The following GSE1 variants were observed in gnomAD, a reference collection of about 807,000 sequenced individuals.
The protein encoded by GSE1 is genetic suppressor element 1.
In GSE1, 32 loss-of-function variants were observed where a neutral mutation model predicts 112.6. The ratio of observed to expected loss-of-function variants is 0.28; its 90% CI spans 0.21 to 0.38. GSE1 has a LOEUF of 0.38. Among genes scored for constraint, GSE1 ranks in the 10% least tolerant of loss-of-function variants. The probability of loss-of-function intolerance (pLI) is 1.00; values close to 1 mark genes in which losing one functional copy is unlikely to be tolerated. For missense variants in GSE1, 2,348 were observed against 1,699.2 expected, an observed-to-expected ratio of 1.38 and a Z score of -6.71; for synonymous variants, 1,115 against 735.6, an observed-to-expected ratio of 1.52 and a Z score of -8.35.
chr16:85,369,410 C>G (rs1297261404), intron 2 of GSE1, among the ~76,000 whole-genome samples: 2 of 152,052 alleles, frequency 1.3e-5, no homozygotes, highest in Non-Finnish European at 2.9e-5. Flanking sequence ...GAGATGGGGT[C>G]TCACTCTGTT....
At chr16:85,525,759 C>A (rs1187951593) in intron 2 of GSE1, among the ~76,000 whole-genome samples, 3 of 152,186 alleles carry the variant, frequency 2.0e-5, no homozygotes, top group African/African-American at 4.8e-5. Context: ...GCTGTGTGAC[C>A]CCAGACAAGC....
chr16:85,353,027 G>C (rs1193604147), intron 1 of GSE1, among the ~76,000 whole-genome samples: 1 of 152,218 alleles, frequency 6.6e-6, no homozygotes, highest in Non-Finnish European at 1.5e-5. Context: ...AACAAAGTAT[G>C]ACATGTTTAG....
intron 1 of GSE1, among the ~76,000 whole-genome samples, chr16:85,616,876 T>C (rs1388924458): frequency 6.6e-6 from 1 of 152,208 alleles, no homozygotes; most frequent in East Asian, 1.9e-4. Flanking sequence ...TCCAGCCGTG[T>C]GCTTGCTGCT....
chr16:85,650,748 G>A (rs1413179605), intron 3 of GSE1, among the ~76,000 whole-genome samples: 2 of 152,122 alleles, frequency 1.3e-5, no homozygotes, highest in Non-Finnish European at 2.9e-5. Context: ...GAGGCTCAGC[G>A]GGGCATTTAA....
intron 1 of GSE1, among the ~76,000 whole-genome samples, chr16:85,353,841 C>T (rs1448777429): frequency 1.3e-5 from 2 of 152,204 alleles, no homozygotes; most frequent in Admixed American, 1.3e-4. Context: ...CCTCCTGGCC[C>T]CTGCGGGGAT....
chr16:85,212,035 T>C (rs956389955), intron 1 of GSE1, among the ~76,000 whole-genome samples: 2 of 152,184 alleles, frequency 1.3e-5, no homozygotes, highest in African/African-American at 4.8e-5. Flanking sequence ...CCCTCAACTT[T>C]GTGTGTTGCA....
At chr16:85,614,174 T>A (rs1452751270) in intron 1 of GSE1, among the ~76,000 whole-genome samples, 1 of 151,400 alleles carries the variant, frequency 6.6e-6, no homozygotes, top group Non-Finnish European at 1.5e-5. Context: ...CACTGGCCTT[T>A]TTCCCTCCCC....
intron 1 of GSE1, among the ~76,000 whole-genome samples, chr16:85,584,463 A>G (rs2046595949): frequency 6.6e-6 from 1 of 152,236 alleles, no homozygotes. Flanking sequence ...CTCTCCGGGT[A>G]CTGATCCATC....
chr16:85,389,974 G>T (rs770141815), intron 2 of GSE1, among the ~76,000 whole-genome samples: 1 of 152,208 alleles, frequency 6.6e-6, no homozygotes, highest in Non-Finnish European at 1.5e-5. Context: ...GGAAAGTGAG[G>T]CATGACTGAA....
chr16:85,431,501 A>G (rs1033512475), intron 2 of GSE1, among the ~76,000 whole-genome samples: 2 of 152,218 alleles, frequency 1.3e-5, no homozygotes, highest in African/African-American at 2.4e-5. Flanking sequence ...ACACTTGCAG[A>G]GCGCGTCTCT....
intron 2 of GSE1, among the ~76,000 whole-genome samples, chr16:85,487,167 C>G (rs967389409): frequency 3.9e-5 from 6 of 152,152 alleles, no homozygotes; most frequent in Non-Finnish European, 7.4e-5. Flanking sequence ...AAGAGATTGT[C>G]CTGCTCGAGG....
chr16:85,614,152 G>A (rs865947952), intron 1 of GSE1, among the ~76,000 whole-genome samples: 1 of 130,500 alleles, frequency 7.7e-6, no homozygotes, highest in African/African-American at 2.9e-5. Flanking sequence ...CACATCCGCC[G>A]CCCCCCACCC....
At chr16:85,651,366 G>A (rs1358969322) in intron 3 of GSE1, among the ~76,000 whole-genome samples, 1 of 152,028 alleles carries the variant, frequency 6.6e-6, no homozygotes, top group Non-Finnish European at 1.5e-5. Context: ...CAGACATGTG[G>A]GTCTGGCTCG....
intron 1 of GSE1, among the ~76,000 whole-genome samples, chr16:85,245,131 C>T (rs1466993945): frequency 6.6e-6 from 1 of 152,114 alleles, no homozygotes; most frequent in Non-Finnish European, 1.5e-5. Context: ...CACTGTACTC[C>T]AGCCTGGGTG....
chr16:85,665,751 T>C (rs2052796967), intron 12 of GSE1, among the ~76,000 whole-genome samples: 1 of 152,226 alleles, frequency 6.6e-6, no homozygotes, highest in Non-Finnish European at 1.5e-5. Context: ...GTGGATCTGC[T>C]TCTTCCTTCT....
chr16:85,273,901 TG>T lies in GSE1; in HGVS notation c.2284-83560del, dbSNP rs1369486797. On this transcript the variant is annotated intron_variant, in intron 1 of 2. Transcript: ENST00000637419. ...TAGTAGAGATGGGGTTTCACCATGT[TG>T]GCCAGGCTGGTCTCGAACTCCTGAC... Among the ~76,000 whole-genome samples, 4 of 150,980 alleles carry T rather than the reference TG, an allele frequency of 2.6e-5. No individual in the cohort carries two copies. The South Asian group carries it at 8.5e-4, about 32-fold the overall frequency.
chr16:85,662,912 C>A (rs760592719), intron 9 of GSE1, 69 bp from the exon 10 acceptor site: 14 of 1,085,574 alleles, frequency 1.3e-5, no homozygotes, highest in Non-Finnish European at 2.0e-5. Flanking sequence ...ACACATGAGG[C>A]CCTGCGGGCA....
At chr16:85,561,827 G>A (rs1249251014) in intron 1 of GSE1, among the ~76,000 whole-genome samples, 1 of 152,138 alleles carries the variant, frequency 6.6e-6, no homozygotes, top group Admixed American at 6.5e-5. Context: ...CGGCCTGTGG[G>A]GGCCGCTGGG....
intron 1 of GSE1, among the ~76,000 whole-genome samples, chr16:85,348,237 A>G (rs917967393): frequency 4.0e-5 from 6 of 151,656 alleles, no homozygotes; most frequent in African/African-American, 1.5e-4. Flanking sequence ...CCACCTGTCC[A>G]TCATCCATCC....
Sources: gnomAD v4.1 joint callset for allele counts (sites outside exome capture counted in the v4.1 genomes callset) on GRCh38, gnomAD v4.1.1 for gene constraint, MANE v1.5 for transcripts, NCBI Gene and HGNC (gene_info 2026-07-23, HGNC 2026-07-21) for gene names.